MBOAT2: variants seen among roughly 807,000 people sequenced by gnomAD.
MBOAT2 encodes the protein membrane-bound glycerophospholipid O-acyltransferase 2.
In MBOAT2, 28 loss-of-function variants were observed where a neutral mutation model predicts 63.4. The observed-to-expected ratio is 0.44, with a 90% CI of 0.33 to 0.61. The LOEUF (loss-of-function observed/expected upper bound fraction) is 0.61. Ranked by LOEUF, MBOAT2 falls within the 20% of genes least tolerant of loss-of-function variation. MBOAT2 has a pLI of 0.03. For missense variants in MBOAT2, 470 were observed against 605.8 expected (o/e 0.78, Z 2.35); for synonymous variants, 211 against 215.6 (o/e 0.98, Z 0.19).
chr2:8,875,469 C>T (rs1430488963), intron 7 of MBOAT2, among the ~76,000 whole-genome samples: 1 of 152,140 alleles, frequency 6.6e-6, no homozygotes. Flanking sequence ...ACTACTATCA[C>T]TTTTATAACA....
chr2:8,988,274 A>C (rs1671697949), intron 1 of MBOAT2, among the ~76,000 whole-genome samples: 1 of 152,178 alleles, frequency 6.6e-6, no homozygotes, highest in African/African-American at 2.4e-5. Flanking sequence ...CTGATAGCCT[A>C]AACTACCACC....
intron 1 of MBOAT2, among the ~76,000 whole-genome samples, chr2:8,983,349 C>G (rs1363649401): frequency 6.6e-6 from 1 of 151,976 alleles, no homozygotes; most frequent in Non-Finnish European, 1.5e-5. Context: ...TATAACTCAC[C>G]CAATATGAAA....
At chr2:8,891,930 C>CAATGTGGGAAAATATGAAATATAACTG (rs1445668405) in intron 4 of MBOAT2, among the ~76,000 whole-genome samples, 1 of 152,166 alleles carries the variant, frequency 6.6e-6, no homozygotes, top group Non-Finnish European at 1.5e-5. Flanking sequence ...CAAAGTAATA[C>CAATGTGGGAAAATATGAAATATAACTG]TTCAACTGAT....
At chr2:8,983,441 T>C (rs1028606278) in intron 1 of MBOAT2, among the ~76,000 whole-genome samples, 1 of 152,182 alleles carries the variant, frequency 6.6e-6, no homozygotes, top group Admixed American at 6.5e-5. Flanking sequence ...TAGGCCCAGA[T>C]GGTTTTACTG....
intron 4 of MBOAT2, among the ~76,000 whole-genome samples, chr2:8,902,599 G>A (rs183425539): frequency 1.3e-5 from 2 of 152,128 alleles, no homozygotes; most frequent in Admixed American, 1.3e-4. Flanking sequence ...ATTCCTCCCG[G>A]TGGGTTCGTG....
At chr2:8,950,664 T>C (rs920583506) in intron 2 of MBOAT2, among the ~76,000 whole-genome samples, 1 of 152,136 alleles carries the variant, frequency 6.6e-6, no homozygotes, top group Non-Finnish European at 1.5e-5. Flanking sequence ...TCTGACCTCA[T>C]GATCCACCCG....
intron 8 of MBOAT2, among the ~76,000 whole-genome samples, chr2:8,870,295 T>C (rs1477761588): frequency 6.6e-6 from 1 of 152,152 alleles, no homozygotes; most frequent in Non-Finnish European, 1.5e-5. Flanking sequence ...CTGATTCCCA[T>C]TTTGAGAAGC....
chr2:8,873,316 C>T lies in MBOAT2; in HGVS notation c.691-16G>A, dbSNP rs748134308. The stretch of plus-strand genomic sequence containing the variant: ...CAACCGCAGTCTGAAAAGCGCAAGG[C>T]GAGACTTCATCAACTTTATCCATGC... On this transcript the variant is annotated splice_polypyrimidine_tract_variant and intron_variant, in intron 7 of 12. Transcript: ENST00000305997. The T allele has an allele frequency of 5.6e-6, 9 of 1,606,744 alleles. No homozygotes were observed. The highest frequency in any genetic ancestry group is 4.5e-5 in the East Asian group (2 of 44,738).
chr2:8,894,898 C>T (rs572249285), intron 4 of MBOAT2, among the ~76,000 whole-genome samples: 2 of 151,954 alleles, frequency 1.3e-5, no homozygotes, highest in African/African-American at 2.4e-5. Flanking sequence ...CCAGTGGGTT[C>T]GTGGTCTCCC....
chr2:8,898,663 G>A (rs753094602), intron 4 of MBOAT2, among the ~76,000 whole-genome samples: 8 of 152,230 alleles, frequency 5.3e-5, no homozygotes, highest in Non-Finnish European at 1.0e-4. Context: ...TTGGGCCAGT[G>A]CCTGACCAAA....
chr2:8,873,603 G>A (rs867273988), intron 7 of MBOAT2, among the ~76,000 whole-genome samples: 1 of 149,798 alleles, frequency 6.7e-6, no homozygotes, highest in South Asian at 2.1e-4. Flanking sequence ...GTGTATTGGT[G>A]TGAATGGAAG....
At chr2:8,958,366 A>T in intron 2 of MBOAT2, 131 bp downstream of exon 2, 1 of 825,712 alleles carries the variant, frequency 1.2e-6, no homozygotes, top group Non-Finnish European at 1.8e-6. Flanking sequence ...AAAATATGAA[A>T]GTTGGCCTGG....
intron 9 of MBOAT2, among the ~76,000 whole-genome samples, chr2:8,866,936 C>T (rs958308329): frequency 1.3e-5 from 2 of 152,202 alleles, no homozygotes; most frequent in African/African-American, 4.8e-5. Flanking sequence ...CCTGACTGCC[C>T]ACTTTTAGCA....
chr2:8,928,990 C>T (rs1667124862), intron 3 of MBOAT2, among the ~76,000 whole-genome samples: 1 of 152,090 alleles, frequency 6.6e-6, no homozygotes, highest in Non-Finnish European at 1.5e-5. Context: ...TTTAGAGAGA[C>T]ACCAAGAACA....
intron 3 of MBOAT2, among the ~76,000 whole-genome samples, chr2:8,930,552 G>A (rs1206408899): frequency 8.5e-5 from 13 of 152,072 alleles, no homozygotes; most frequent in Non-Finnish European, 1.8e-4. Context: ...GTGTGCATGT[G>A]TCTTTATAGC....
At chr2:8,869,086 T>C (rs1662118187) in intron 8 of MBOAT2, among the ~76,000 whole-genome samples, 1 of 152,176 alleles carries the variant, frequency 6.6e-6, no homozygotes, top group Admixed American at 6.5e-5. Context: ...TCTCCCTGTG[T>C]CACTGCCCAG....
chr2:8,958,056 G>A (rs1669350933), intron 2 of MBOAT2, among the ~76,000 whole-genome samples: 1 of 152,092 alleles, frequency 6.6e-6, no homozygotes, highest in Non-Finnish European at 1.5e-5. Flanking sequence ...CAAACAAAAA[G>A]CCTCTTTTTG....
chr2:8,880,594 T>G (rs1295648025), intron 6 of MBOAT2, among the ~76,000 whole-genome samples: 1 of 152,170 alleles, frequency 6.6e-6, no homozygotes, highest in African/African-American at 2.4e-5. Flanking sequence ...GAAGATGGCC[T>G]TTCAAGCCAA....
intron 9 of MBOAT2, among the ~76,000 whole-genome samples, chr2:8,866,848 C>T (rs1034273267): frequency 6.6e-6 from 1 of 152,100 alleles, no homozygotes; most frequent in Non-Finnish European, 1.5e-5. Context: ...TCTAGAAATC[C>T]GATTCAGATT....
Sources: gnomAD v4.1 joint callset for allele counts (sites outside exome capture counted in the v4.1 genomes callset) on GRCh38, gnomAD v4.1.1 for gene constraint, MANE v1.5 for transcripts, NCBI Gene and HGNC (gene_info 2026-07-23, HGNC 2026-07-21) for gene names.